The following CACNB2 variants were observed in gnomAD, a reference collection of about 807,000 sequenced individuals.
CACNB2 encodes calcium voltage-gated channel auxiliary subunit beta 2.
Under a neutral mutation model 73.3 loss-of-function variants are expected in CACNB2, and 42 were observed. The ratio of observed to expected loss-of-function variants is 0.57; its 90% CI spans 0.45 to 0.74. CACNB2 has a LOEUF of 0.74. Ranked by LOEUF, CACNB2 falls within the 30% of genes least tolerant of loss-of-function variation. The pLI is 0.00. For missense variants in CACNB2, 940 were observed against 853.0 expected, an observed-to-expected ratio of 1.10 and a Z score of -1.27; for synonymous variants, 348 against 310.3, an observed-to-expected ratio of 1.12 and a Z score of -1.28.
chr10:18,315,499 TAAAAAAAAAAA>T (rs756721525), intron 2 of CACNB2, among the ~76,000 whole-genome samples: 1,730 of 39,488 alleles, frequency 0.044, 39 homozygotes, highest in Non-Finnish European at 0.065. Context: ...TGTCTCTATT[TAAAAAAAAAAA>T]AAAAAAAAAA....
At chr10:18,287,591 C>G (rs890259697) in intron 2 of CACNB2, among the ~76,000 whole-genome samples, 31 of 152,300 alleles carry the variant, frequency 2.0e-4, no homozygotes, top group African/African-American at 7.2e-4. Flanking sequence ...TGGCTCACGC[C>G]TGTAATCCCA....
intron 2 of CACNB2, among the ~76,000 whole-genome samples, chr10:18,354,591 T>TTTG (rs948425836): frequency 2.0e-5 from 3 of 152,264 alleles, no homozygotes; most frequent in Non-Finnish European, 2.9e-5. Context: ...TTGTGGTGTT[T>TTTG]TTGTTGTTGT....
chr10:18,257,800 G>T (rs568133132), intron 2 of CACNB2, among the ~76,000 whole-genome samples: 3 of 152,318 alleles, frequency 2.0e-5, no homozygotes, highest in African/African-American at 7.2e-5. Flanking sequence ...CTGGAGTGCA[G>T]TGGCATGATC....
At chr10:18,492,204 C>G (rs952040189) in intron 3 of CACNB2, among the ~76,000 whole-genome samples, 1 of 152,192 alleles carries the variant, frequency 6.6e-6, no homozygotes, top group East Asian at 1.9e-4. Flanking sequence ...AAATCTACCC[C>G]TATGATCCAA....
At chr10:18,501,105 T>TA (rs567720434) in intron 5 of CACNB2, among the ~76,000 whole-genome samples, 157 bp downstream of exon 5, 256 of 152,362 alleles carry the variant, frequency 1.7e-3, no homozygotes, top group African/African-American at 5.9e-3. Context: ...TTCCTGCATT[T>TA]AAAAAACTTC....
chr10:18,428,085 T>A (rs1241503333), intron 3 of CACNB2, among the ~76,000 whole-genome samples: 1 of 152,164 alleles, frequency 6.6e-6, no homozygotes, highest in African/African-American at 2.4e-5. Flanking sequence ...ATTTTCATTT[T>A]GATTTTTTTA....
At chr10:18,220,173 A>G (rs2035693110) in intron 2 of CACNB2, among the ~76,000 whole-genome samples, 1 of 69,636 alleles carries the variant, frequency 1.4e-5, no homozygotes, top group African/African-American at 9.1e-5. Context: ...ACACACACAC[A>G]TACATATATA....
intron 2 of CACNB2, among the ~76,000 whole-genome samples, chr10:18,266,438 A>G (rs933478740): frequency 3.9e-5 from 6 of 152,320 alleles, no homozygotes; most frequent in Admixed American, 2.0e-4. Flanking sequence ...GGGTATAAAA[A>G]TCAATTATCA....
At chr10:18,312,114 A>G (rs2039987201) in intron 2 of CACNB2, among the ~76,000 whole-genome samples, 1 of 152,160 alleles carries the variant, frequency 6.6e-6, no homozygotes, top group Non-Finnish European at 1.5e-5. Flanking sequence ...GAAATTTCCC[A>G]AGTAGGTAAA....
chr10:18,208,920 GTTC>G (rs1280118842), intron 2 of CACNB2, among the ~76,000 whole-genome samples: 2 of 152,306 alleles, frequency 1.3e-5, no homozygotes, highest in Admixed American at 1.3e-4. Context: ...GCGATGTTGA[GTTC>G]TTCTGGTGGG....
chr10:18,462,357 C>T (rs531776698), intron 3 of CACNB2, among the ~76,000 whole-genome samples: 11 of 152,208 alleles, frequency 7.2e-5, no homozygotes, highest in African/African-American at 1.9e-4. Flanking sequence ...TGGGCTCAAG[C>T]GATCCTCCCA....
intron 3 of CACNB2, among the ~76,000 whole-genome samples, chr10:18,473,550 C>T (rs1305926333): frequency 6.6e-5 from 10 of 152,114 alleles, no homozygotes; most frequent in South Asian, 2.1e-4. Context: ...GCCTTAATGA[C>T]GCATGCAGAG....
At chr10:18,289,758 C>T (rs2038981884) in intron 2 of CACNB2, among the ~76,000 whole-genome samples, 1 of 151,982 alleles carries the variant, frequency 6.6e-6, no homozygotes, top group African/African-American at 2.4e-5. Flanking sequence ...ATTTACGTGA[C>T]GTTTAGCTGT....
intron 2 of CACNB2, among the ~76,000 whole-genome samples, chr10:18,258,023 C>T (rs780874798): frequency 5.3e-5 from 8 of 152,158 alleles, no homozygotes; most frequent in African/African-American, 1.4e-4. Context: ...GGATTATAGG[C>T]GTGAGCCACC....
rs1209597048 is a variant in CACNB2 at position 18,500,953 on chromosome 10, G to A, written c.593+5G>A. Reference sequence around the variant, plus strand: ...GCAAGGGAAATTCTACTCCAGGTATGAGACAGATGTCAAGTGTTTGCATAA... The same window carrying A: ...GCAAGGGAAATTCTACTCCAGGTATAAGACAGATGTCAAGTGTTTGCATAA... On this transcript the variant is annotated splice_donor_5th_base_variant and intron_variant, in intron 5 of 13. Coordinates refer to ENST00000324631, the MANE Select transcript of CACNB2 (RefSeq NM_201596.3). 1 of 1,613,704 alleles carries A rather than the reference G, an allele frequency of 6.2e-7. No individual in the cohort carries two copies. The highest frequency in any genetic ancestry group is 8.5e-7 in the Non-Finnish European group (1 of 1,179,708).
At chr10:18,225,011 T>C (rs1180075812) in intron 2 of CACNB2, among the ~76,000 whole-genome samples, 2 of 152,196 alleles carry the variant, frequency 1.3e-5, no homozygotes, top group Non-Finnish European at 2.9e-5. Context: ...CCTTGTTCTT[T>C]TCTGATGTCA....
chr10:18,367,999 C>G (rs1394461259), intron 2 of CACNB2, among the ~76,000 whole-genome samples: 5 of 152,060 alleles, frequency 3.3e-5, no homozygotes, highest in African/African-American at 4.8e-5. Context: ...ACGAAATTCC[C>G]TTTTTAGGTG....
chr10:18,140,758 A>T lies in CACNB2; in HGVS notation c.22A>T (p.Lys8Ter), dbSNP rs78722981. MVQRDMS[K>*]SPPTAAAAVA... ...GCCAATGGTCCAAAGGGACATGTCCAAGTCGCCTCCCACAGCGGCGGCGGC... is the reference window on the plus strand; with the variant it reads ...GCCAATGGTCCAAAGGGACATGTCCTAGTCGCCTCCCACAGCGGCGGCGGC... Residue 8 changes from lysine (K) to a stop codon, truncating the protein, a stop_gained, in exon 1 of 14, where the codon AAG (lysine) becomes TAG (stop). Coordinates refer to ENST00000324631, the MANE Select transcript of CACNB2 (RefSeq NM_201596.3). LOFTEE classifies it high-confidence loss of function. The T allele has an allele frequency of 6.3e-7, 1 of 1,595,734 alleles. No individual in the cohort carries two copies. Among genetic ancestry groups the T allele is most frequent in the South Asian group, 1.1e-5 (1 of 87,896 alleles).
chr10:18,228,445 A>AAAAAAAAAAT (rs1359204235), intron 2 of CACNB2, among the ~76,000 whole-genome samples: 1 of 148,160 alleles, frequency 6.7e-6, no homozygotes, highest in African/African-American at 2.5e-5. Context: ...AAAAAAAAAA[A>AAAAAAAAAAT]AAAAGAAAAA....
Sources: allele counts gnomAD v4.1 joint callset (sites outside exome capture counted in the v4.1 genomes callset), GRCh38; gene constraint gnomAD v4.1.1; transcripts MANE v1.5; gene names NCBI Gene and HGNC (gene_info 2026-07-23, HGNC 2026-07-21).